Variants in CNTN3 observed in about 807,000 individuals in gnomAD.
CNTN3 encodes contactin-3.
A neutral mutation model predicts 119.1 loss-of-function variants in CNTN3; 60 were observed. The observed-to-expected ratio is 0.50, with a 90% CI of 0.41 to 0.62. The LOEUF (loss-of-function observed/expected upper bound fraction) is 0.62, where lower values mean the gene tolerates loss of function less well. CNTN3 is among the 20% of genes least tolerant of loss of function. The pLI is 0.00. For synonymous variants in CNTN3, 450 were observed against 438.7 expected (o/e 1.03, Z -0.32); for missense variants, 1,101 against 1,242.4 (o/e 0.89, Z 1.71).
At chr3:74,295,502 C>T (rs2106803494) in intron 18 of CNTN3, among the ~76,000 whole-genome samples, 1 of 152,250 alleles carries the variant, frequency 6.6e-6, no homozygotes, top group Non-Finnish European at 1.5e-5. Context: ...TCTTCCTTAT[C>T]TTCCTTTTTC....
intron 4 of CNTN3, among the ~76,000 whole-genome samples, chr3:74,448,243 C>A (rs1702084203): frequency 6.6e-6 from 1 of 151,952 alleles, no homozygotes; most frequent in Non-Finnish European, 1.5e-5. Flanking sequence ...GTGTATGTTG[C>A]CAAACAAGAC....
chr3:74,573,686 G>A (rs1474701465), intron 1 of CNTN3, among the ~76,000 whole-genome samples: 1 of 151,116 alleles, frequency 6.6e-6, no homozygotes, highest in East Asian at 2.0e-4. Context: ...ATGAAAAGAT[G>A]TTTAACATCA....
chr3:74,353,867 C>T (rs1559560082), intron 11 of CNTN3, among the ~76,000 whole-genome samples: 1 of 152,148 alleles, frequency 6.6e-6, no homozygotes, highest in East Asian at 1.9e-4. Context: ...CAGATGAATG[C>T]AGTCATGTCA....
At chr3:74,325,286 G>A (rs1553644764) in intron 13 of CNTN3, among the ~76,000 whole-genome samples, 1 of 152,102 alleles carries the variant, frequency 6.6e-6, no homozygotes, top group Non-Finnish European at 1.5e-5. Context: ...GAAATAAAAG[G>A]TAGTTTTTTC....
chr3:74,593,390 G>A (rs73842136), intron 1 of CNTN3, among the ~76,000 whole-genome samples: 2,504 of 151,974 alleles, frequency 0.016, 67 homozygotes, highest in African/African-American at 0.057. Flanking sequence ...AAAGAACAAC[G>A]GACAGACATA....
At chr3:74,459,660 C>G (rs111684024) in intron 4 of CNTN3, among the ~76,000 whole-genome samples, 1 of 151,912 alleles carries the variant, frequency 6.6e-6, no homozygotes, top group East Asian at 1.9e-4. Context: ...AACTCTTTTC[C>G]TCTACCTTTT....
chr3:74,325,928 T>C (rs1393528315), intron 13 of CNTN3, among the ~76,000 whole-genome samples: 1 of 152,166 alleles, frequency 6.6e-6, no homozygotes, highest in Non-Finnish European at 1.5e-5. Context: ...CGAGGCATCA[T>C]TACTTGTCTT....
chr3:74,588,497 G>A (rs1001679206), intron 1 of CNTN3, among the ~76,000 whole-genome samples: 5 of 151,962 alleles, frequency 3.3e-5, no homozygotes, highest in African/African-American at 1.2e-4. Context: ...TCATGGGTAG[G>A]AAGAATCAAT....
At chr3:74,601,735 A>C (rs1227448895) in intron 1 of CNTN3, among the ~76,000 whole-genome samples, 1 of 151,996 alleles carries the variant, frequency 6.6e-6, no homozygotes, top group African/African-American at 2.4e-5. Context: ...CCCACCCTTG[A>C]CTTGGGTTTG....
chr3:74,459,652 C>T (rs1403470125), intron 4 of CNTN3, among the ~76,000 whole-genome samples: 3 of 151,940 alleles, frequency 2.0e-5, no homozygotes, highest in Non-Finnish European at 4.4e-5. Context: ...TCTGCTGAAA[C>T]TCTTTTCCTC....
chr3:74,455,043 A>G (rs527520653), intron 4 of CNTN3, among the ~76,000 whole-genome samples: 3,445 of 152,060 alleles, frequency 0.023, 119 homozygotes, highest in African/African-American at 0.074. Context: ...CCTGAATCTG[A>G]ATGTTGGCCT....
In CNTN3 at chr3:74,302,802, T is replaced by A. The variant is rs760604257; in HGVS notation, c.1674A>T (p.Ser558=). Residue 558 remains serine (S), a synonymous_variant, in exon 14 of 23, where the codon TCA becomes TCT. Transcript: ENST00000263665. The part of the protein sequence containing the change: ...GSHFEKVGGS[S]SGDLMIRNIQ... ...TGTTTCTGATCATTAAATCACCAGATGAACTCTGTTGGGAAAACAGGTAAT... is the reference window on the plus strand; with the variant it reads ...TGTTTCTGATCATTAAATCACCAGAAGAACTCTGTTGGGAAAACAGGTAAT... 47 of 1,597,930 alleles carry A rather than the reference T, an allele frequency of 2.9e-5. No homozygotes were observed. Among genetic ancestry groups the A allele is most frequent in the Non-Finnish European group, 3.9e-5 (46 of 1,166,104 alleles).
chr3:74,415,991 G>C (rs1281333664), intron 5 of CNTN3, among the ~76,000 whole-genome samples: 1 of 152,086 alleles, frequency 6.6e-6, no homozygotes, highest in Non-Finnish European at 1.5e-5. Context: ...GGGCCCCTGG[G>C]GTCACTGATG....
chr3:74,367,049 A>C (rs1228329581), intron 8 of CNTN3, among the ~76,000 whole-genome samples: 1 of 151,322 alleles, frequency 6.6e-6, no homozygotes, highest in East Asian at 2.0e-4. Context: ...AAATCCTGAA[A>C]TCATAACTGC....
At chr3:74,320,181 G>T (rs9310292) in intron 13 of CNTN3, among the ~76,000 whole-genome samples, 5,715 of 152,178 alleles carry the variant, frequency 0.038, 348 homozygotes, top group African/African-American at 0.13. Context: ...TATACCCAAA[G>T]GAGTATAAAT....
chr3:74,419,211 T>C (rs553956588), intron 5 of CNTN3, among the ~76,000 whole-genome samples: 1 of 152,272 alleles, frequency 6.6e-6, no homozygotes, highest in African/African-American at 2.4e-5. Flanking sequence ...TTTAAGGAAA[T>C]TGTTGTTTTG....
At chr3:74,588,194 A>C (rs1017015632) in intron 1 of CNTN3, among the ~76,000 whole-genome samples, 26 of 152,000 alleles carry the variant, frequency 1.7e-4, no homozygotes, top group South Asian at 1.5e-3. Flanking sequence ...CCAGTATTTT[A>C]TTGAGGATTT....
At chr3:74,398,809 T>A (rs1285262995) in intron 5 of CNTN3, among the ~76,000 whole-genome samples, 1 of 152,236 alleles carries the variant, frequency 6.6e-6, no homozygotes, top group Non-Finnish European at 1.5e-5. Flanking sequence ...GGTTCCCACC[T>A]GTTTATCCCT....
intron 20 of CNTN3, among the ~76,000 whole-genome samples, chr3:74,273,534 A>C (rs764474542): frequency 1.3e-5 from 2 of 151,984 alleles, no homozygotes; most frequent in Non-Finnish European, 2.9e-5. Context: ...CCAAACACAT[A>C]CCCCCACTGG....
Sources: allele counts gnomAD v4.1 joint callset (sites outside exome capture counted in the v4.1 genomes callset), GRCh38; gene constraint gnomAD v4.1.1; transcripts MANE v1.5; gene names NCBI Gene and HGNC (gene_info 2026-07-23, HGNC 2026-07-21).